Variants in PHACTR3 observed in about 807,000 individuals in gnomAD.
PHACTR3 encodes the protein phosphatase and actin regulator 3, also known as protein phosphatase 1, regulatory subunit 123.
PHACTR3 carries 16 observed loss-of-function variants against 66.8 expected under a neutral mutation model. That is an observed-to-expected ratio of 0.24 (90% CI 0.16 to 0.36). PHACTR3 has a LOEUF of 0.36. PHACTR3 is among the 10% of genes least tolerant of loss of function. The pLI is 1.00. For synonymous variants in PHACTR3, 323 were observed against 292.1 expected (o/e 1.11, Z -1.08); for missense variants, 647 against 719.9 (o/e 0.90, Z 1.16).
rs576533650 is a variant in PHACTR3 at position 59,832,049 on chromosome 20, G to C, written c.1329-4456G>C. ...TGCCTCTGCCTGGGCCTGACTCTCT[G>C]TGCTGGGAGAATGCTTCCTGGGCCT... is the stretch of plus-strand genomic sequence containing the variant. On this transcript the variant is annotated intron_variant, in intron 8 of 12. Coordinates refer to ENST00000371015, the MANE Select transcript of PHACTR3 (RefSeq NM_080672.5). Among the ~76,000 whole-genome samples the C allele has an allele frequency of 2.6e-5, 4 of 152,292 alleles. 1 individual carries two copies. The highest frequency in any genetic ancestry group is 7.2e-5 in the African/African-American group (3 of 41,560).
intron 1 of PHACTR3, chr20:59,628,713 A>T: frequency 2.0e-6 from 2 of 985,448 alleles, no homozygotes; most frequent in African/African-American, 1.7e-5. Flanking sequence ...AAGATTCCCC[A>T]TAGTACCTAC....
chr20:59,684,446 A>G (rs2036781501), intron 1 of PHACTR3, among the ~76,000 whole-genome samples: 1 of 151,956 alleles, frequency 6.6e-6, no homozygotes, highest in Admixed American at 6.6e-5. Context: ...CCTTTGCAGA[A>G]CCTTCTCTTT....
At chr20:59,699,072 TG>T (rs1457270482) in intron 1 of PHACTR3, among the ~76,000 whole-genome samples, 4 of 152,170 alleles carry the variant, frequency 2.6e-5, no homozygotes, top group African/African-American at 9.7e-5. Flanking sequence ...AAAGGAGTGT[TG>T]TTGCTTCTTA....
At chr20:59,596,334 C>G (rs1159414904) in intron 1 of PHACTR3, among the ~76,000 whole-genome samples, 1 of 152,098 alleles carries the variant, frequency 6.6e-6, no homozygotes, top group African/African-American at 2.4e-5. Flanking sequence ...TAGAGACAGG[C>G]TTTCACCATG....
chr20:59,588,955 C>G (rs2033115136), intron 1 of PHACTR3, among the ~76,000 whole-genome samples: 1 of 152,224 alleles, frequency 6.6e-6, no homozygotes, highest in Admixed American at 6.5e-5. Context: ...GCAGGAAGTG[C>G]TAATGTTCTA....
chr20:59,814,146 C>T (rs982024023), intron 8 of PHACTR3, among the ~76,000 whole-genome samples: 1 of 152,120 alleles, frequency 6.6e-6, no homozygotes, highest in African/African-American at 2.4e-5. Context: ...GGGTCAGGAG[C>T]GAGGGCATGT....
chr20:59,822,078 C>A (rs1206616591), intron 8 of PHACTR3, among the ~76,000 whole-genome samples: 1 of 37,988 alleles, frequency 2.6e-5, no homozygotes, highest in Non-Finnish European at 4.9e-5. Flanking sequence ...CCGCAACGAT[C>A]CCACCCCTTC....
At chr20:59,845,012 T>C in intron 11 of PHACTR3, 177 bp from the exon 12 acceptor site, 2 of 488,244 alleles carry the variant, frequency 4.1e-6, no homozygotes, top group Non-Finnish European at 7.5e-6. Context: ...ACTAGCTTGG[T>C]AGGACTATAA....
chr20:59,714,286 A>C (rs1407166541), intron 1 of PHACTR3, among the ~76,000 whole-genome samples: 1 of 152,136 alleles, frequency 6.6e-6, no homozygotes, highest in Non-Finnish European at 1.5e-5. Flanking sequence ...CTACCCACAA[A>C]CCATAAAGCT....
At chr20:59,664,742 G>A (rs930114627) in intron 1 of PHACTR3, among the ~76,000 whole-genome samples, 5 of 152,162 alleles carry the variant, frequency 3.3e-5, no homozygotes, top group African/African-American at 4.8e-5. Context: ...TGTTAAGACC[G>A]TGGTTCAAGT....
intron 8 of PHACTR3, among the ~76,000 whole-genome samples, chr20:59,813,522 C>T (rs963289970): frequency 2.6e-5 from 4 of 152,170 alleles, no homozygotes; most frequent in South Asian, 2.1e-4. Flanking sequence ...GTAGCGTGCA[C>T]GTGCTAGGCG....
At chr20:59,651,356 A>G (rs998014704) in intron 1 of PHACTR3, among the ~76,000 whole-genome samples, 1 of 152,254 alleles carries the variant, frequency 6.6e-6, no homozygotes, top group Non-Finnish European at 1.5e-5. Context: ...TATTGCCTCT[A>G]TAGTTGGTTG....
At chr20:59,668,021 G>A (rs182253332) in intron 1 of PHACTR3, among the ~76,000 whole-genome samples, 18 of 152,344 alleles carry the variant, frequency 1.2e-4, no homozygotes, top group South Asian at 8.3e-4. Flanking sequence ...CACCTGTACC[G>A]AGGCAGAGGT....
rs556904948 is a variant in PHACTR3, at chr20:59,806,654, AC to A, written c.1328+467del. Among the ~76,000 whole-genome samples the A allele has an allele frequency of 1.1e-4, 17 of 151,658 alleles. No individual in the cohort carries two copies. In the South Asian group the frequency reaches 2.5e-3, roughly 22 times the overall value. ...TCTTCTAAATTTGTCAAGTAAAGCTACCCCCCCACCCACATACACACAGTTA... is the reference window on the plus strand; with the variant it reads ...TCTTCTAAATTTGTCAAGTAAAGCTACCCCCCACCCACATACACACAGTTA... On this transcript the variant is annotated intron_variant, in intron 8 of 12. Coordinates refer to ENST00000371015, the MANE Select transcript of PHACTR3 (RefSeq NM_080672.5).
chr20:59,783,571 G>C (rs1286798547), intron 7 of PHACTR3, among the ~76,000 whole-genome samples: 2 of 151,848 alleles, frequency 1.3e-5, no homozygotes, highest in African/African-American at 4.8e-5. Flanking sequence ...TTGTTTGTTT[G>C]TTTGTTAACA....
intron 1 of PHACTR3, among the ~76,000 whole-genome samples, chr20:59,598,340 T>C (rs1450331378): frequency 6.6e-6 from 1 of 152,224 alleles, no homozygotes; most frequent in African/African-American, 2.4e-5. Context: ...CTGTGTGCTG[T>C]GTCAAATGCC....
intron 1 of PHACTR3, among the ~76,000 whole-genome samples, chr20:59,645,739 C>G (rs551087172): frequency 4.6e-5 from 7 of 152,138 alleles, no homozygotes; most frequent in African/African-American, 1.4e-4. Flanking sequence ...TTTAATGAAA[C>G]CGTCATGTTT....
intron 2 of PHACTR3, among the ~76,000 whole-genome samples, chr20:59,743,470 G>A (rs1037922947): frequency 1.3e-5 from 2 of 152,210 alleles, no homozygotes; most frequent in African/African-American, 4.8e-5. Flanking sequence ...AAGCCCTGGG[G>A]TGGAGTTGGC....
At chr20:59,755,050 T>G in intron 3 of PHACTR3, 132 bp from the exon 4 acceptor site, 1 of 829,444 alleles carries the variant, frequency 1.2e-6, no homozygotes, top group Non-Finnish European at 1.9e-6. Flanking sequence ...TCCTAGGGTG[T>G]GTGGTGAGGG....
Sources: gnomAD v4.1 joint callset for allele counts (sites outside exome capture counted in the v4.1 genomes callset) on GRCh38, gnomAD v4.1.1 for gene constraint, MANE v1.5 for transcripts, NCBI Gene and HGNC (gene_info 2026-07-23, HGNC 2026-07-21) for gene names.